Variants in KPNA3 observed in about 807,000 individuals in gnomAD.
KPNA3 encodes the protein karyopherin subunit alpha 3, also known as importin subunit alpha-4.
In KPNA3, 13 loss-of-function variants were observed where a neutral mutation model predicts 73.8. That is an observed-to-expected ratio of 0.18 (90% CI 0.11 to 0.28). The LOEUF is 0.28. KPNA3 is among the 10% of genes least tolerant of loss of function. The pLI, the probability that KPNA3 is intolerant of heterozygous loss-of-function variation, is 1.00. For missense variants in KPNA3, 360 were observed against 618.1 expected (o/e 0.58, Z 4.43); for synonymous variants, 186 against 206.9 (o/e 0.90, Z 0.87).
At chr13:49,742,468 G>A (rs1954582450) in intron 2 of KPNA3, among the ~76,000 whole-genome samples, 2 of 144,204 alleles carry the variant, frequency 1.4e-5, no homozygotes, top group East Asian at 1.9e-4. Context: ...CCACTGTTCT[G>A]TGTGTGTGTT....
chr13:49,717,929 C>T (rs1954320373), intron 10 of KPNA3, among the ~76,000 whole-genome samples: 2 of 152,130 alleles, frequency 1.3e-5, no homozygotes, highest in South Asian at 4.1e-4. Flanking sequence ...GGTCACTGCT[C>T]TATCTTACCT....
chr13:49,732,597 G>A lies in KPNA3; in HGVS notation c.287+8C>T, dbSNP rs756665807. The A allele has an allele frequency of 6.2e-7, 1 of 1,600,340 alleles. No homozygotes were observed. On this transcript the variant is annotated splice_region_variant and intron_variant, in intron 5 of 16. Coordinates refer to ENST00000261667, the MANE Select transcript of KPNA3 (RefSeq NM_002267.4). ...CATAATTCTCTCTCTAGACAAATTA[G>A]TATTTACCTTGCTGCCTGGACAGCA...
chr13:49,703,104 G>A (rs1031402099), intron 15 of KPNA3, among the ~76,000 whole-genome samples: 2 of 151,736 alleles, frequency 1.3e-5, no homozygotes, highest in Non-Finnish European at 2.9e-5. Flanking sequence ...TCCTGACCTC[G>A]TGATCTGCCC....
intron 1 of KPNA3, among the ~76,000 whole-genome samples, chr13:49,767,411 C>T (rs1431314971): frequency 2.2e-5 from 3 of 135,586 alleles, no homozygotes; most frequent in Non-Finnish European, 4.6e-5. Context: ...AAGACTCTGT[C>T]TCAATAAAAA....
chr13:49,792,562 GAATCTT>G lies in KPNA3; in HGVS notation c.-62_-57del. The G allele has an allele frequency of 1.2e-6, 1 of 816,756 alleles. No individual in the cohort carries two copies. 50.6% of individuals were successfully genotyped at this position (816,756 alleles called of 1,614,324 possible). On this transcript the variant is annotated 5_prime_UTR_variant, in exon 1 of 17. Transcript: ENST00000261667. ...CTGCGGCTGCGGCGGCGGCGGCGGCGAATCTTGGAGCGGGAGGGGGAGGAGGGGGAG... is the reference window on the plus strand; with the variant it reads ...CTGCGGCTGCGGCGGCGGCGGCGGCGGGAGCGGGAGGGGGAGGAGGGGGAG...
At chr13:49,734,954 T>TAGAGAGAGAGAGAGAGAGAGAGAGAG (rs10675449) in intron 2 of KPNA3, among the ~76,000 whole-genome samples, 32 of 145,836 alleles carry the variant, frequency 2.2e-4, no homozygotes, top group African/African-American at 8.0e-4. Context: ...GAGAGATAGA[T>TAGAGAGAGAGAGAGAGAGAGAGAGAG]AGAGAGAGAG....
intron 1 of KPNA3, among the ~76,000 whole-genome samples, chr13:49,771,227 C>G (rs1954853103): frequency 6.6e-6 from 1 of 151,866 alleles, no homozygotes. Context: ...TGCATTGAAT[C>G]TCTTAGTTCA....
intron 2 of KPNA3, among the ~76,000 whole-genome samples, chr13:49,742,384 A>G (rs1240279083): frequency 6.6e-6 from 1 of 152,224 alleles, no homozygotes; most frequent in East Asian, 1.9e-4. Flanking sequence ...AATTAACTAA[A>G]GAAATCTCAA....
chr13:49,701,865 T>G lies in KPNA3; in HGVS notation c.1501A>C (p.Thr501Pro), dbSNP rs1954151262. 6.2e-7 allele frequency: 1 copy of G among 1,613,348 alleles called. No individual in the cohort carries two copies. Among genetic ancestry groups the G allele is most frequent in the Non-Finnish European group, 8.5e-7 (1 of 1,179,426 alleles). ...DEDPCLIPEA[T>P]QGGTYNFDPT... is the part of the protein sequence containing the mutation. The stretch of plus-strand genomic sequence containing the variant: ...TCAAAATTGTAGGTACCTCCTTGTG[T>G]TGCTTCAGGAATGAGGCAGGGATCT... Residue 501 changes from threonine to proline, a missense_variant, in exon 17 of 17, where the codon ACA becomes CCA. By Grantham distance (38) the Thr-to-Pro change is conservative. Around this residue, in one of 3 missense-constraint regions of KPNA3, gnomAD observed 38 missense variants for 39.0 expected, o/e 0.98. Coordinates refer to ENST00000261667, the MANE Select transcript of KPNA3 (RefSeq NM_002267.4).
At chr13:49,721,834 A>T in intron 9 of KPNA3, 121 bp downstream of exon 9, 1 of 659,826 alleles carries the variant, frequency 1.5e-6, no homozygotes. Context: ...CAAACAAACA[A>T]ACAAAAAACT....
chr13:49,788,791 T>C lies in KPNA3; in HGVS notation c.69+3647A>G, dbSNP rs890592681. ...ATAAAAGGAAATGTTTCCCTTTCAA[T>C]ATGTACTTCCTAGTTTTTGCTACAA... On this transcript the variant is annotated intron_variant, in intron 1 of 16. Coordinates refer to ENST00000261667, the MANE Select transcript of KPNA3 (RefSeq NM_002267.4). 2.7e-5 allele frequency among the ~76,000 whole-genome samples: 4 copies of C among 148,236 alleles called. No individual in the cohort carries two copies. The Admixed American group carries it at 2.7e-4, about 10-fold the overall frequency.
chr13:49,750,456 TG>T (rs1954652485), intron 1 of KPNA3, among the ~76,000 whole-genome samples: 1 of 152,034 alleles, frequency 6.6e-6, no homozygotes, highest in Non-Finnish European at 1.5e-5. Context: ...CATGCTCAGC[TG>T]ATTTTTCATT....
chr13:49,780,849 C>G (rs2137603481), intron 1 of KPNA3, among the ~76,000 whole-genome samples: 1 of 151,256 alleles, frequency 6.6e-6, no homozygotes, highest in South Asian at 2.1e-4. Flanking sequence ...GCCTCTGAAG[C>G]AGCTGGGACT....
At chr13:49,723,880 A>G (rs1307769743) in intron 7 of KPNA3, among the ~76,000 whole-genome samples, 3 of 151,378 alleles carry the variant, frequency 2.0e-5, no homozygotes, top group East Asian at 3.9e-4. Flanking sequence ...AAAAAAAAAA[A>G]AAAAGAAAAG....
chr13:49,732,762 T>C lies in KPNA3; in HGVS notation c.219A>G (p.Leu73=). Residue 73 remains leucine (L), a synonymous_variant, in exon 4 of 17, where the codon CTA becomes CTG. Transcript: ENST00000261667. ...DADFKAQNVT[L]EAILQNATSD... The stretch of plus-strand genomic sequence containing the variant: ...AGTAACATACCTGCAATATAGCTTC[T>C]AGGGTTACATTTTGCTTAAAAAGAA... 6.4e-7 allele frequency: 1 copy of C among 1,573,750 alleles called. No individual in the cohort carries two copies. The highest frequency in any genetic ancestry group is 8.7e-7 in the Non-Finnish European group (1 of 1,152,250).
At chr13:49,786,920 T>C (rs1210773158) in intron 1 of KPNA3, among the ~76,000 whole-genome samples, 1 of 152,230 alleles carries the variant, frequency 6.6e-6, no homozygotes, top group African/African-American at 2.4e-5. Context: ...GGTACACTAT[T>C]ATACTTGTTC....
intron 6 of KPNA3, among the ~76,000 whole-genome samples, chr13:49,731,500 A>C (rs148894853): frequency 2.5e-4 from 38 of 152,292 alleles, no homozygotes; most frequent in Non-Finnish European, 5.1e-4. Flanking sequence ...GGGGGTGGAA[A>C]GTGGGAGAGG....
At chr13:49,754,667 G>A (rs1326319335) in intron 1 of KPNA3, among the ~76,000 whole-genome samples, 1 of 142,998 alleles carries the variant, frequency 7.0e-6, no homozygotes, top group Non-Finnish European at 1.5e-5. Context: ...AAGAGAAAAT[G>A]CAGAGTTATA....
Position 49,768,250 on chromosome 13 carries a change from G to C in KPNA3, c.70-21257C>G, listed in dbSNP as rs931455989. On this transcript the variant is annotated intron_variant, in intron 1 of 16. Transcript: ENST00000261667. Reference sequence around the variant, plus strand: ...GCCAAGATCGCGCCACTGCACTCCAGCCTGGGCAACAGTGCGAGACTCTGT... The same window carrying C: ...GCCAAGATCGCGCCACTGCACTCCACCCTGGGCAACAGTGCGAGACTCTGT... Among the ~76,000 whole-genome samples the C allele has an allele frequency of 2.5e-4, 36 of 141,300 alleles. 1 individual carries two copies. Among genetic ancestry groups the C allele is most frequent in the Admixed American group, 2.1e-3 (28 of 13,234 alleles). 92.7% of individuals were successfully genotyped at this position (141,300 alleles called of 152,430 possible).
Sources: allele counts gnomAD v4.1 joint callset (sites outside exome capture counted in the v4.1 genomes callset), GRCh38; gene constraint gnomAD v4.1.1; regional missense constraint gnomAD v4.1.1; transcripts MANE v1.5; gene names NCBI Gene and HGNC (gene_info 2026-07-23, HGNC 2026-07-21).